Variants in PCDHGA2 observed in about 807,000 individuals in gnomAD.
The protein encoded by PCDHGA2 is protocadherin gamma subfamily A, 2, also known as protocadherin gamma-A2.
A neutral mutation model predicts 59.2 loss-of-function variants in PCDHGA2; 40 were observed. The observed-to-expected ratio is 0.68, with a 90% CI of 0.52 to 0.88. The LOEUF is 0.88. PCDHGA2 is among the 40% of genes least tolerant of loss of function. PCDHGA2 has a pLI of 0.00. For synonymous variants in PCDHGA2, 560 were observed against 526.0 expected, an observed-to-expected ratio of 1.06 and a Z score of -0.89; for missense variants, 1,226 against 1,204.0, an observed-to-expected ratio of 1.02 and a Z score of -0.27.
Position 141,431,829 on chromosome 5 carries a change from C to T in PCDHGA2, c.2425-62978C>T, listed in dbSNP as rs758915768. On this transcript the variant is annotated intron_variant, in intron 1 of 3. Transcript: ENST00000394576. The surrounding 1 kb of genome is among the most constrained non-coding windows in gnomAD (Gnocchi z 4.8). ...CTCACCTCTCTCGCCAGCTCGGTTC[C>T]CGAAAACTCTCCCAGAGGGACATTA... The T allele has an allele frequency of 1.9e-6, 3 of 1,613,928 alleles. No individual in the cohort carries two copies. The highest frequency in any genetic ancestry group is 2.2e-5 in the South Asian group (2 of 91,090).
At position 141,373,421 on chromosome 5, in the gene PCDHGA2, G is replaced by A. The variant is rs139166526; in HGVS notation, c.2424+32026G>A. The stretch of plus-strand genomic sequence containing the variant: ...GCCTGTAGTCCCAGCTACTCGGGAG[G>A]CTGAGGTGGGAGGATCCCTTGATCC... On this transcript the variant is annotated intron_variant, in intron 1 of 3. Transcript: ENST00000394576. 4.0e-3 allele frequency among the ~76,000 whole-genome samples: 615 copies of A among 152,344 alleles called. 6 individuals carry two copies. The highest frequency in any genetic ancestry group is 0.011 in the Admixed American group (171 of 15,306).
chr5:141,419,589 C>T (rs1187251820), intron 1 of PCDHGA2: 1 of 1,611,856 alleles, frequency 6.2e-7, no homozygotes, highest in Non-Finnish European at 8.5e-7. Flanking sequence ...CTCTTCGACA[C>T]AGTGCCGCGG....
intron 1 of PCDHGA2, chr5:141,389,915 C>T (rs371220204): frequency 2.2e-5 from 36 of 1,613,944 alleles, no homozygotes; most frequent in Non-Finnish European, 4.2e-6. Context: ...CTGACCGCCC[C>T]GACCCCTCTG....
At chr5:141,462,596 A>G (rs1260411284) in intron 1 of PCDHGA2, among the ~76,000 whole-genome samples, 5 of 151,922 alleles carry the variant, frequency 3.3e-5, no homozygotes, top group African/African-American at 1.2e-4. Flanking sequence ...TTTCCATTTC[A>G]TATATTGTAT....
At chr5:141,421,843 G>C (rs769652818) in intron 1 of PCDHGA2, 1 of 1,613,798 alleles carries the variant, frequency 6.2e-7, no homozygotes, top group Non-Finnish European at 8.5e-7. Context: ...CCGAGAGAAA[G>C]AGGCTGCTCA....
chr5:141,446,230 G>A (rs548647406), intron 1 of PCDHGA2, among the ~76,000 whole-genome samples: 22 of 152,208 alleles, frequency 1.4e-4, no homozygotes, highest in African/African-American at 4.6e-4. Context: ...GTGTTGCCTG[G>A]CAAGTGGTAG....
intron 1 of PCDHGA2, chr5:141,403,257 G>A: frequency 6.2e-7 from 1 of 1,613,902 alleles, no homozygotes; most frequent in Non-Finnish European, 8.5e-7. Flanking sequence ...AGCCCGCGGT[G>A]TCTGGTGAAC....
chr5:141,409,490 C>G (rs780688280), intron 1 of PCDHGA2: 12 of 1,613,892 alleles, frequency 7.4e-6, no homozygotes, highest in Non-Finnish European at 1.0e-5. Context: ...CAGGGGCAAG[C>G]CGCCTCTTTC....
At chr5:141,445,257 A>G (rs1253126709) in intron 1 of PCDHGA2, among the ~76,000 whole-genome samples, 3 of 152,152 alleles carry the variant, frequency 2.0e-5, no homozygotes, top group African/African-American at 2.4e-5. Context: ...GTGTGAGAAT[A>G]TAAGTCGAAA....
chr5:141,390,210 G>T, intron 1 of PCDHGA2: 1 of 1,614,046 alleles, frequency 6.2e-7, no homozygotes, highest in Non-Finnish European at 8.5e-7. Context: ...TTCAGGACAA[G>T]ACATACTTTG....
intron 1 of PCDHGA2, chr5:141,385,468 A>G: frequency 1.4e-6 from 2 of 1,440,194 alleles, no homozygotes; most frequent in Non-Finnish European, 1.8e-6. Context: ...TTCAGTGGTG[A>G]CACTTTAATA....
chr5:141,485,958 T>C lies in PCDHGA2; in HGVS notation c.2425-8849T>C. On this transcript the variant is annotated intron_variant, in intron 1 of 3. Transcript: ENST00000394576. The surrounding 1 kb of genome is among the most constrained non-coding windows in gnomAD (Gnocchi z 5.7). ...AGCGCACCAGCGGGCATGGTGCTCATCCAGCTCAATGCCTCAGACCCGGAC... is the reference window on the plus strand; with the variant it reads ...AGCGCACCAGCGGGCATGGTGCTCACCCAGCTCAATGCCTCAGACCCGGAC... 1 of 1,614,190 alleles carries C rather than the reference T, an allele frequency of 6.2e-7. No individual in the cohort carries two copies. The highest frequency in any genetic ancestry group is 8.5e-7 in the Non-Finnish European group (1 of 1,180,032).
intron 1 of PCDHGA2, chr5:141,400,775 C>T (rs2094072666): frequency 5.4e-6 from 3 of 559,824 alleles, no homozygotes; most frequent in South Asian, 5.1e-5. Context: ...ACATTTGGTG[C>T]GTTTTTTTGT....
In PCDHGA2 at chr5:141,370,930, CTT is replaced by C. The variant is rs762522894; in HGVS notation, c.2424+29537_2424+29538del. Reference sequence around the variant, plus strand: ...TACCTCAGCCCTGATCCGCACTTCTCTTTGATTCAGAAGGAGAACCTGGATGG... The same window carrying C: ...TACCTCAGCCCTGATCCGCACTTCTCTGATTCAGAAGGAGAACCTGGATGG... On this transcript the variant is annotated intron_variant, in intron 1 of 3. Transcript: ENST00000394576. The C allele has an allele frequency of 1.1e-5, 18 of 1,613,894 alleles. No homozygotes were observed. In the African/African-American group the frequency reaches 2.1e-4, roughly 19 times the overall value.
At chr5:141,380,267 C>A (rs1021604042) in intron 1 of PCDHGA2, among the ~76,000 whole-genome samples, 2 of 152,042 alleles carry the variant, frequency 1.3e-5, no homozygotes, top group Non-Finnish European at 2.9e-5. Flanking sequence ...GGAGTAAAAT[C>A]TCAGAGGAGA....
chr5:141,362,449 C>T (rs762665729), intron 1 of PCDHGA2: 2 of 1,614,006 alleles, frequency 1.2e-6, no homozygotes, highest in Non-Finnish European at 1.7e-6. Flanking sequence ...GAACATAACC[C>T]CGGAATTGGT....
chr5:141,415,828 G>T, intron 1 of PCDHGA2: 1 of 1,293,336 alleles, frequency 7.7e-7, no homozygotes, highest in East Asian at 2.8e-5. Flanking sequence ...ATAAGGCTTT[G>T]TTATGATTAG....
chr5:141,398,732 G>A (rs747131946), intron 1 of PCDHGA2: 4 of 1,613,778 alleles, frequency 2.5e-6, no homozygotes, highest in Admixed American at 1.7e-5. Flanking sequence ...ACCTTAGACC[G>A]GGAACAACAG....
intron 1 of PCDHGA2, chr5:141,422,833 C>G (rs2096676817): frequency 6.2e-7 from 1 of 1,614,106 alleles, no homozygotes; most frequent in African/African-American, 1.3e-5. Flanking sequence ...AGTGATAGCA[C>G]GTGACAGCGG....
Sources: allele counts gnomAD v4.1 joint callset (sites outside exome capture counted in the v4.1 genomes callset), GRCh38; gene constraint gnomAD v4.1.1; non-coding constraint Gnocchi (gnomAD v3.1); transcripts MANE v1.5; gene names NCBI Gene and HGNC (gene_info 2026-07-23, HGNC 2026-07-21).